CCDC85A: variants seen among roughly 807,000 people sequenced by gnomAD.
CCDC85A encodes the protein coiled-coil domain-containing protein 85A.
A neutral mutation model predicts 50.2 loss-of-function variants in CCDC85A; 38 were observed. That is an observed-to-expected ratio of 0.76 (90% CI 0.58 to 0.99). CCDC85A has a LOEUF of 0.99. CCDC85A is among the 50% of genes least tolerant of loss of function. The pLI is 0.00. For missense variants in CCDC85A, 820 were observed against 742.0 expected (o/e 1.11, Z -1.22); for synonymous variants, 366 against 301.4 (o/e 1.21, Z -2.22).
At chr2:56,215,571 C>G (rs925230220) in intron 2 of CCDC85A, among the ~76,000 whole-genome samples, 1 of 140,772 alleles carries the variant, frequency 7.1e-6, no homozygotes, top group Non-Finnish European at 1.5e-5. Context: ...TCCTAGTTTG[C>G]TGATAGTTTT....
chr2:56,190,054 T>C (rs1265432804), intron 1 of CCDC85A, among the ~76,000 whole-genome samples: 2 of 152,232 alleles, frequency 1.3e-5, no homozygotes, highest in African/African-American at 4.8e-5. Context: ...TACCCACAAA[T>C]TCACTCCCAT....
intron 2 of CCDC85A, among the ~76,000 whole-genome samples, chr2:56,240,566 C>T (rs1669213856): frequency 6.6e-6 from 1 of 152,130 alleles, no homozygotes; most frequent in African/African-American, 2.4e-5. Context: ...GTAGTCAATA[C>T]CCTCCACCAG....
intron 4 of CCDC85A, among the ~76,000 whole-genome samples, chr2:56,373,380 A>G (rs1361320352): frequency 7.7e-6 from 1 of 129,694 alleles, no homozygotes; most frequent in African/African-American, 3.3e-5. Context: ...CTACTTTCAT[A>G]AAAAAAAAAA....
intron 2 of CCDC85A, among the ~76,000 whole-genome samples, chr2:56,339,973 C>G (rs1273478168): frequency 6.6e-6 from 1 of 152,002 alleles, no homozygotes; most frequent in Non-Finnish European, 1.5e-5. Context: ...GAGAGGATAT[C>G]TTTAGCAAAT....
chr2:56,204,959 A>G (rs923167487), intron 2 of CCDC85A, among the ~76,000 whole-genome samples: 1 of 152,158 alleles, frequency 6.6e-6, no homozygotes, highest in Admixed American at 6.5e-5. Flanking sequence ...TGTAATTTGT[A>G]TACTTCCAAA....
At chr2:56,242,723 A>C (rs1028990929) in intron 2 of CCDC85A, among the ~76,000 whole-genome samples, 24 of 151,984 alleles carry the variant, frequency 1.6e-4, no homozygotes, top group African/African-American at 5.8e-4. Flanking sequence ...TTGTCTTTTC[A>C]TTTTGTTGAT....
At chr2:56,296,618 T>G (rs1301280849) in intron 2 of CCDC85A, among the ~76,000 whole-genome samples, 1 of 152,114 alleles carries the variant, frequency 6.6e-6, no homozygotes, top group East Asian at 1.9e-4. Flanking sequence ...AGAAAGGCTT[T>G]TGTCAGGATT....
chr2:56,298,660 G>C (rs1672064319), intron 2 of CCDC85A, among the ~76,000 whole-genome samples: 1 of 152,120 alleles, frequency 6.6e-6, no homozygotes, highest in South Asian at 2.1e-4. Context: ...AGGATAACTG[G>C]AATCCAGGAG....
At chr2:56,195,898 A>G (rs957898822) in intron 2 of CCDC85A, among the ~76,000 whole-genome samples, 2 of 152,132 alleles carry the variant, frequency 1.3e-5, no homozygotes, top group Non-Finnish European at 2.9e-5. Context: ...CAGAAATGAA[A>G]TATACATTGG....
chr2:56,270,107 A>G (rs1573141091), intron 2 of CCDC85A, among the ~76,000 whole-genome samples: 1 of 152,218 alleles, frequency 6.6e-6, no homozygotes, highest in East Asian at 1.9e-4. Flanking sequence ...GGGTGAACAT[A>G]TATATGTGTT....
intron 2 of CCDC85A, among the ~76,000 whole-genome samples, chr2:56,274,200 C>A (rs987440576): frequency 6.6e-6 from 1 of 152,078 alleles, no homozygotes; most frequent in African/African-American, 2.4e-5. Flanking sequence ...CTGTCTATCC[C>A]ATGTTTCTTT....
At chr2:56,294,939 G>T (rs900988852) in intron 2 of CCDC85A, among the ~76,000 whole-genome samples, 2 of 152,156 alleles carry the variant, frequency 1.3e-5, no homozygotes, top group African/African-American at 4.8e-5. Flanking sequence ...TAATAATTAT[G>T]ACAGTGATTT....
chr2:56,186,254 T>G (rs1238510150), intron 1 of CCDC85A, among the ~76,000 whole-genome samples: 6 of 152,206 alleles, frequency 3.9e-5, no homozygotes. Context: ...AGTGCCAGTC[T>G]CTTTGGGGAA....
chr2:56,361,854 C>G (rs1675541333), intron 3 of CCDC85A, among the ~76,000 whole-genome samples: 5 of 152,106 alleles, frequency 3.3e-5, no homozygotes, highest in African/African-American at 1.2e-4. Context: ...GGATCAGTCT[C>G]CATGTTGGGT....
chr2:56,300,481 C>T (rs1382938470), intron 2 of CCDC85A, among the ~76,000 whole-genome samples: 1 of 152,126 alleles, frequency 6.6e-6, no homozygotes, highest in Non-Finnish European at 1.5e-5. Context: ...CAGTTTTAGT[C>T]ATGTAGGGGT....
At position 56,329,945 on chromosome 2, in the gene CCDC85A, G is replaced by GTTTTTTTTTTTTTTTTTTTTTTTTTT. The variant is rs535050957; in HGVS notation, c.1241-12923_1241-12898dup. ...AAAATTTGTTTTTTACAGATTTCCTGTTTTTTTTTTTTTTTTTTTTTTTTT... is the reference window on the plus strand; with the variant it reads ...AAAATTTGTTTTTTACAGATTTCCTGTTTTTTTTTTTTTTTTTTTTTTTTTTTTTTTTTTTTTTTTTTTTTTTTTTT... On this transcript the variant is annotated intron_variant, in intron 2 of 5. Transcript: ENST00000407595. Among the ~76,000 whole-genome samples, 8 of 44,160 alleles carry GTTTTTTTTTTTTTTTTTTTTTTTTTT rather than the reference G, an allele frequency of 1.8e-4. 1 individual carries two copies. The highest frequency in any genetic ancestry group is 2.9e-4 in the African/African-American group (4 of 13,966). The allele number at this position is 44,160 out of a possible 152,430, so 29.0% of individuals were successfully genotyped here. A position where few individuals can be genotyped will look rare whatever the true frequency, so the allele number is the denominator to read the frequency against.
chr2:56,343,374 TAATTA>T (rs1302090274), intron 3 of CCDC85A, among the ~76,000 whole-genome samples: 1 of 152,258 alleles, frequency 6.6e-6, no homozygotes, highest in Admixed American at 6.5e-5. Context: ...TTTCGCATTA[TAATTA>T]AATTAGTACA....
intron 2 of CCDC85A, among the ~76,000 whole-genome samples, chr2:56,305,615 T>C (rs905776431): frequency 6.6e-6 from 1 of 152,266 alleles, no homozygotes; most frequent in African/African-American, 2.4e-5. Flanking sequence ...TATATTTGCC[T>C]CACAGGCAGC....
chr2:56,207,802 T>C (rs752371070), intron 2 of CCDC85A, among the ~76,000 whole-genome samples: 2 of 152,192 alleles, frequency 1.3e-5, no homozygotes, highest in African/African-American at 4.8e-5. Flanking sequence ...TTTCTACTTA[T>C]AGCTGCTGAG....
Sources: gnomAD v4.1 joint callset for allele counts (sites outside exome capture counted in the v4.1 genomes callset) on GRCh38, gnomAD v4.1.1 for gene constraint, MANE v1.5 for transcripts, NCBI Gene and HGNC (gene_info 2026-07-23, HGNC 2026-07-21) for gene names.